Variants in GRTP1 observed in about 807,000 individuals in gnomAD.
The protein encoded by GRTP1 is growth hormone-regulated TBC protein 1.
Under a neutral mutation model 38.1 loss-of-function variants are expected in GRTP1, and 56 were observed. That is an observed-to-expected ratio of 1.47 (90% CI 1.19 to 1.84). GRTP1 has a LOEUF of 1.84. GRTP1 is among the 40% of genes most tolerant of loss of function. The pLI is 0.00. For missense variants in GRTP1, 506 were observed against 453.9 expected (o/e 1.11, Z -1.04); for synonymous variants, 217 against 189.5 (o/e 1.14, Z -1.19).
At chr13:113,345,040 AC>A in intron 4 of GRTP1, 81 bp from the exon 5 acceptor site, 2 of 1,477,992 alleles carry the variant, frequency 1.4e-6, no homozygotes, top group Non-Finnish European at 9.0e-7. Flanking sequence ...GCTACAAACT[AC>A]CCAGTTTCCA....
chr13:113,344,846 A>AC lies in GRTP1; in HGVS notation c.562+16_562+17insG. 6.3e-7 allele frequency: 1 copy of AC among 1,592,934 alleles called. No individual in the cohort carries two copies. Among genetic ancestry groups the AC allele is most frequent in the Non-Finnish European group, 8.5e-7 (1 of 1,174,342 alleles). ...AAACAGGACAGTTCGGGCATACCGC[A>AC]GGAATTTTCAACATACCTGGTAGTA... On this transcript the variant is annotated intron_variant, in intron 5 of 7. Transcript: ENST00000375431.
intron 4 of GRTP1, among the ~76,000 whole-genome samples, chr13:113,346,280 GGCT>G (rs2043129981): frequency 1.7e-5 from 1 of 58,128 alleles, no homozygotes; most frequent in African/African-American, 8.5e-5. Flanking sequence ...GGACCTCTGT[GGCT>G]GAGCGGATCT....
chr13:113,339,475 T>C (rs2042998431), intron 5 of GRTP1: 2 of 152,256 alleles, frequency 1.3e-5, no homozygotes, highest in South Asian at 4.1e-4. Flanking sequence ...TTCAAAGTTT[T>C]ACTTTTTTAC....
chr13:113,326,830 C>G (rs2042781975), intron 5 of GRTP1, among the ~76,000 whole-genome samples: 1 of 152,216 alleles, frequency 6.6e-6, no homozygotes, highest in African/African-American at 2.4e-5. Context: ...TGAATGTCCA[C>G]ACGACGGAAT....
At chr13:113,350,416 A>G (rs972808312) in intron 4 of GRTP1, among the ~76,000 whole-genome samples, 1 of 146,628 alleles carries the variant, frequency 6.8e-6, no homozygotes, top group Non-Finnish European at 1.5e-5. Context: ...CATGCACCCC[A>G]TAGCACACAC....
intron 5 of GRTP1, among the ~76,000 whole-genome samples, chr13:113,331,036 G>A (rs1421788683): frequency 9.3e-5 from 14 of 150,726 alleles, no homozygotes; most frequent in Admixed American, 9.2e-4. Flanking sequence ...GAGCACAGGT[G>A]TGTGCATGGG....
rs2043042368 is a variant in GRTP1, at chr13:113,342,660, C to G, written c.562+2203G>C. On this transcript the variant is annotated intron_variant, in intron 5 of 7. Coordinates refer to ENST00000375431, the MANE Select transcript of GRTP1 (RefSeq NM_024719.4). This position sits in a 1 kb window ranked among gnomAD's most constrained non-coding sequence, Gnocchi z 4.5. ...ATAACTTCGAGGATGGATTTTAGAG[C>G]AGGATGACTGTGGCACTGAAACGAC... Among the ~76,000 whole-genome samples, 1 of 151,900 alleles carries G rather than the reference C, an allele frequency of 6.6e-6. No homozygotes were observed. The highest frequency in any genetic ancestry group is 1.5e-5 in the Non-Finnish European group (1 of 68,006).
chr13:113,327,427 C>T (rs1253061459), intron 5 of GRTP1, among the ~76,000 whole-genome samples: 2 of 152,120 alleles, frequency 1.3e-5, no homozygotes, highest in Non-Finnish European at 2.9e-5. Flanking sequence ...ATCTGCCCGC[C>T]TCGGCCTCCA....
chr13:113,346,110 A>AGTG lies in GRTP1; in HGVS notation c.466-1152_466-1151insCAC, dbSNP rs1566429178. Among the ~76,000 whole-genome samples the AGTG allele has an allele frequency of 3.5e-3, 280 of 79,736 alleles. 55 individuals carry two copies. Among genetic ancestry groups the AGTG allele is most frequent in the Admixed American group, 4.4e-3 (32 of 7,280 alleles). 52.3% of individuals were successfully genotyped at this position (79,736 alleles called of 152,430 possible). On this transcript the variant is annotated intron_variant, in intron 4 of 7. Transcript: ENST00000375431. ...TGGGAAGACATCTGTGGCCGAGAAC[A>AGTG]GACCCGGGAGGACCTCTGTGGACAA... is the stretch of plus-strand genomic sequence containing the variant.
Position 113,348,432 on chromosome 13 carries a change from C to T in GRTP1, c.465+2417G>A, listed in dbSNP as rs949781477. Among the ~76,000 whole-genome samples, 1 of 152,192 alleles carries T rather than the reference C, an allele frequency of 6.6e-6. No homozygotes were observed. Among genetic ancestry groups the T allele is most frequent in the Non-Finnish European group, 1.5e-5 (1 of 68,040 alleles). On this transcript the variant is annotated intron_variant, in intron 4 of 7. Transcript: ENST00000375431. This position sits in a 1 kb window ranked among gnomAD's most constrained non-coding sequence, Gnocchi z 4.8. ...CGCCACTGCACTCCAGCCTGGGTGA[C>T]AGAGCGAGACCGTGTGCACTGTGTA... is the stretch of plus-strand genomic sequence containing the variant.
At chr13:113,346,293 T>C (rs138969116) in intron 4 of GRTP1, among the ~76,000 whole-genome samples, 1,622 of 4,006 alleles carry the variant, frequency 0.4, 533 homozygotes, top group South Asian at 0.54. Flanking sequence ...TGAGCGGATC[T>C]GGGAGGACCT....
At position 113,350,858 on chromosome 13, in the gene GRTP1, G is replaced by A. The variant is rs2043252216; in HGVS notation, c.456C>T (p.Gly152=). 1.3e-6 allele frequency: 2 copies of A among 1,574,316 alleles called. No individual in the cohort carries two copies. Among genetic ancestry groups the A allele is most frequent in the South Asian group, 1.1e-5 (1 of 87,480 alleles). Residue 152 remains glycine, a synonymous_variant, in exon 4 of 8, where the codon GGC becomes GGT. Transcript: ENST00000375431. ...LAYGHHNQGV[G]YCQGMNFIAG... is the part of the protein sequence containing the mutation. ...GGGTCCCGAGGCTCACCTGGCAGTA[G>A]CCCACTCCCTGGTTATGGTGCCCAT...
intron 5 of GRTP1, among the ~76,000 whole-genome samples, chr13:113,331,288 C>T (rs906092470): frequency 2.0e-5 from 3 of 152,220 alleles, no homozygotes; most frequent in Non-Finnish European, 4.4e-5. Context: ...ACAGGATTGA[C>T]CATGGCAGAG....
intron 5 of GRTP1, among the ~76,000 whole-genome samples, chr13:113,338,095 GC>G (rs2042978691): frequency 6.6e-6 from 1 of 152,184 alleles, no homozygotes; most frequent in South Asian, 2.1e-4. Flanking sequence ...CCGAGACAGG[GC>G]CCCCTCCACC....
chr13:113,334,214 TGTAGG>T (rs537173733), intron 5 of GRTP1, among the ~76,000 whole-genome samples: 287 of 146,176 alleles, frequency 2.0e-3, no homozygotes, highest in African/African-American at 6.8e-3. Context: ...AGAAACTCTC[TGTAGG>T]GTCCGGAGGA....
chr13:113,344,965 AT>A lies in GRTP1; in HGVS notation c.466-7del. The A allele has an allele frequency of 2.5e-6, 4 of 1,589,334 alleles. No individual in the cohort carries two copies. The highest frequency in any genetic ancestry group is 8.5e-7 in the Non-Finnish European group (1 of 1,174,168). On this transcript the variant is annotated splice_region_variant and splice_polypyrimidine_tract_variant and intron_variant, in intron 4 of 7. Coordinates refer to ENST00000375431, the MANE Select transcript of GRTP1 (RefSeq NM_024719.4). ...CCTGCTATAAAATTCATTCCCTGAA[AT>A]TAGAAAAATGAGAAACAAATTCACA...
At chr13:113,363,654 G>A (rs142635703) in intron 2 of GRTP1, 108 bp downstream of exon 2, 8 of 1,179,044 alleles carry the variant, frequency 6.8e-6, no homozygotes, top group Middle Eastern at 2.9e-4. Flanking sequence ...CGACCTGCCC[G>A]GAAAGGTTCC....
At chr13:113,356,632 T>C (rs1004026548) in intron 2 of GRTP1, among the ~76,000 whole-genome samples, 3 of 152,170 alleles carry the variant, frequency 2.0e-5, no homozygotes, top group African/African-American at 7.2e-5. Context: ...AAAGAAGGCA[T>C]ATGCAATTTG....
In GRTP1 at chr13:113,325,749, A is replaced by G; in HGVS notation, c.833T>C (p.Leu278Ser). The G allele has an allele frequency of 1.2e-6, 2 of 1,614,188 alleles. No individual in the cohort carries two copies. Among genetic ancestry groups the G allele is most frequent in the Non-Finnish European group, 8.5e-7 (1 of 1,180,020 alleles). ...TLIKQHQELI[L>S]EATSVPDICD... Reference sequence around the variant, plus strand: ...AATGTCTGGAACGCTGGTGGCTTCCAAAATCAACTCCTGGTGCTGCTTAAT... The same window carrying G: ...AATGTCTGGAACGCTGGTGGCTTCCGAAATCAACTCCTGGTGCTGCTTAAT... Residue 278 changes from leucine to serine, a missense_variant, in exon 7 of 8, where the codon TTG becomes TCG. By Grantham distance (145) the Leu-to-Ser change is moderately radical. Transcript: ENST00000375431.
Sources: gnomAD v4.1 joint callset for allele counts (sites outside exome capture counted in the v4.1 genomes callset) on GRCh38, gnomAD v4.1.1 for gene constraint, Gnocchi (gnomAD v3.1) non-coding constraint, MANE v1.5 for transcripts, NCBI Gene and HGNC (gene_info 2026-07-23, HGNC 2026-07-21) for gene names.